Variants in CCDC171 observed in about 807,000 individuals in gnomAD.
CCDC171 encodes the protein coiled-coil domain containing 171, also known as coiled-coil domain-containing protein 171.
A neutral mutation model predicts 168.2 loss-of-function variants in CCDC171; 177 were observed. That is an observed-to-expected ratio of 1.05 (90% CI 0.93 to 1.19). CCDC171 has a LOEUF of 1.19. CCDC171 is among the 50% of genes most tolerant of loss of function. The pLI, the probability that CCDC171 is intolerant of heterozygous loss-of-function variation, is 0.00. For synonymous variants in CCDC171, 687 were observed against 540.8 expected, an observed-to-expected ratio of 1.27 and a Z score of -3.75; for missense variants, 1,991 against 1,539.0, an observed-to-expected ratio of 1.29 and a Z score of -4.91.
chr9:15,694,064 T>C (rs931150025), intron 10 of CCDC171, among the ~76,000 whole-genome samples: 6 of 152,218 alleles, frequency 3.9e-5, no homozygotes, highest in African/African-American at 9.6e-5. Context: ...TTTGCTTCAA[T>C]TGGCATGATT....
At chr9:16,050,466 A>G (rs1833733042) in intron 1 of CCDC171, among the ~76,000 whole-genome samples, 1 of 152,204 alleles carries the variant, frequency 6.6e-6, no homozygotes, top group Admixed American at 6.5e-5. Flanking sequence ...GATGAACAAT[A>G]CAAGAACTCT....
At chr9:15,700,125 A>G (rs1350744406) in intron 11 of CCDC171, among the ~76,000 whole-genome samples, 1 of 152,148 alleles carries the variant, frequency 6.6e-6, no homozygotes, top group Non-Finnish European at 1.5e-5. Flanking sequence ...TCCGGTGCAC[A>G]GGAGCCCATG....
At chr9:15,553,452 C>T (rs1354133052) in intron 1 of CCDC171, 150 bp downstream of exon 1, 2 of 152,276 alleles carry the variant, frequency 1.3e-5, no homozygotes, top group Non-Finnish European at 2.9e-5. Flanking sequence ...CTGGGTCTCC[C>T]CGCCCACCTG....
chr9:15,737,806 G>A (rs2054595034), intron 16 of CCDC171, among the ~76,000 whole-genome samples: 1 of 152,128 alleles, frequency 6.6e-6, no homozygotes, highest in Non-Finnish European at 1.5e-5. Flanking sequence ...ATGAAGACTA[G>A]ATAATAGGAT....
chr9:15,876,798 G>C (rs1817905573), intron 24 of CCDC171, among the ~76,000 whole-genome samples: 1 of 151,988 alleles, frequency 6.6e-6, no homozygotes, highest in African/African-American at 2.4e-5. Context: ...ACTGACTTGG[G>C]AATTCAGTAG....
intron 10 of CCDC171, among the ~76,000 whole-genome samples, chr9:15,691,820 G>A (rs929147294): frequency 7.9e-5 from 12 of 151,984 alleles, no homozygotes; most frequent in African/African-American, 2.9e-4. Context: ...GGGACCTACA[G>A]GCATGTGCCA....
chr9:15,591,226 A>G lies in CCDC171; in HGVS notation c.353-140A>G. On this transcript the variant is annotated intron_variant, in intron 4 of 25. Transcript: ENST00000380701. ...ATTTACCGGAATGGAAAGGTTTTCAAGAGTTTACTGTAATGGAAAGGTTAA... is the reference window on the plus strand; with the variant it reads ...ATTTACCGGAATGGAAAGGTTTTCAGGAGTTTACTGTAATGGAAAGGTTAA... The G allele has an allele frequency of 7.3e-6, 4 of 547,834 alleles. No homozygotes were observed. In the South Asian group the frequency reaches 1.1e-4, roughly 15 times the overall value. 33.9% of individuals were successfully genotyped at this position (547,834 alleles called of 1,614,324 possible).
chr9:15,875,373 A>G (rs1817704459), intron 24 of CCDC171: 2 of 152,090 alleles, frequency 1.3e-5, no homozygotes, highest in Middle Eastern at 3.6e-3. Context: ...TCACTATTGT[A>G]TTAATATTAT....
Position 15,846,866 on chromosome 9 carries a change from G to T in CCDC171, c.3413+19G>T. The T allele has an allele frequency of 6.3e-7, 1 of 1,590,472 alleles. No homozygotes were observed. Among genetic ancestry groups the T allele is most frequent in the East Asian group, 2.3e-5 (1 of 44,024 alleles). On this transcript the variant is annotated intron_variant, in intron 22 of 25. Transcript: ENST00000380701. The stretch of plus-strand genomic sequence containing the variant: ...CAGCCAAGTGAGCATTTGGACCTTG[G>T]GGAGATCACTTAAAACAGACAAAAG...
intron 21 of CCDC171, among the ~76,000 whole-genome samples, chr9:15,785,898 T>G (rs573457950): frequency 3.9e-5 from 6 of 152,100 alleles, no homozygotes; most frequent in African/African-American, 1.2e-4. Context: ...GATTTTTTTT[T>G]TTGTTTAAAT....
intron 1 of CCDC171, among the ~76,000 whole-genome samples, chr9:16,045,023 T>A (rs1200509766): frequency 1.3e-5 from 2 of 152,334 alleles, no homozygotes; most frequent in Admixed American, 1.3e-4. Flanking sequence ...TGTCTTATAT[T>A]CATTGGGACT....
At chr9:15,580,967 A>C (rs544530228) in intron 4 of CCDC171, among the ~76,000 whole-genome samples, 69 of 152,350 alleles carry the variant, frequency 4.5e-4, no homozygotes, top group African/African-American at 1.4e-3. Flanking sequence ...AGGGTATTCA[A>C]AAAGGAAAAG....
chr9:15,700,097 A>C (rs2051586157), intron 11 of CCDC171, among the ~76,000 whole-genome samples: 1 of 152,116 alleles, frequency 6.6e-6, no homozygotes, highest in Admixed American at 6.5e-5. Flanking sequence ...AGCAGGGGGC[A>C]GTGCTCATCA....
chr9:15,853,440 T>G (rs1000871599), intron 23 of CCDC171, among the ~76,000 whole-genome samples: 4 of 151,670 alleles, frequency 2.6e-5, no homozygotes, highest in African/African-American at 9.7e-5. Flanking sequence ...TTTTGTATGT[T>G]CATCTTTTCT....
downstream of CCDC171, among the ~76,000 whole-genome samples, chr9:16,063,636 C>T (rs976508134): frequency 6.6e-6 from 1 of 152,172 alleles, no homozygotes; most frequent in Non-Finnish European, 1.5e-5. Context: ...TTCCTTGAGA[C>T]TTTTGACTGT....
At chr9:15,833,194 G>T (rs978930741) in intron 21 of CCDC171, among the ~76,000 whole-genome samples, 1 of 151,974 alleles carries the variant, frequency 6.6e-6, no homozygotes, top group Non-Finnish European at 1.5e-5. Context: ...GTTTTGCCAT[G>T]TTGGCCAGGC....
intron 21 of CCDC171, among the ~76,000 whole-genome samples, chr9:15,842,324 C>G (rs2060713618): frequency 6.6e-6 from 1 of 151,974 alleles, no homozygotes; most frequent in Non-Finnish European, 1.5e-5. Context: ...TGAGAAAGAA[C>G]TATGTTGGGT....
intron 24 of CCDC171, among the ~76,000 whole-genome samples, chr9:15,895,718 G>A (rs372282958): frequency 2.0e-5 from 3 of 152,020 alleles, no homozygotes; most frequent in Non-Finnish European, 4.4e-5. Flanking sequence ...GTTTTCCTAT[G>A]GCCCACAATT....
At position 15,834,036 on chromosome 9, in the gene CCDC171, G is replaced by A. The variant is rs140180135; in HGVS notation, c.3268-12666G>A. On this transcript the variant is annotated intron_variant, in intron 21 of 25. Coordinates refer to ENST00000380701, the MANE Select transcript of CCDC171 (RefSeq NM_173550.4). ...TATAGTATAATTACAGATATTCCAA[G>A]GTTAACTATGAAAATACTTGTTGTT... 7.1e-4 allele frequency among the ~76,000 whole-genome samples: 108 copies of A among 152,112 alleles called. 4 individuals are homozygous for A. Among genetic ancestry groups the A allele is most frequent in the African/African-American group, 2.3e-3 (94 of 41,516 alleles).
Sources: allele counts gnomAD v4.1 joint callset (sites outside exome capture counted in the v4.1 genomes callset), GRCh38; gene constraint gnomAD v4.1.1; transcripts MANE v1.5; gene names NCBI Gene and HGNC (gene_info 2026-07-23, HGNC 2026-07-21).